ZNF705B: variants seen among roughly 807,000 people sequenced by gnomAD.
The protein encoded by ZNF705B is zinc finger protein 705B, also known as Putative zinc finger protein 705D-like protein LOC100132396.
A neutral mutation model predicts 10.5 loss-of-function variants in ZNF705B; 1 was observed. That is an observed-to-expected ratio of 0.10 (90% CI 0.03 to 0.45). The LOEUF (loss-of-function observed/expected upper bound fraction) is 0.45. Ranked by LOEUF, ZNF705B falls within the 20% of genes least tolerant of loss-of-function variation. The pLI, the probability that ZNF705B is intolerant of heterozygous loss-of-function variation, is 0.97. For missense variants in ZNF705B, 14 were observed against 84.0 expected, an observed-to-expected ratio of 0.17 and a Z score of 3.26; for synonymous variants, 4 against 25.4, an observed-to-expected ratio of 0.16 and a Z score of 2.53.
intron 1 of ZNF705B, among the ~76,000 whole-genome samples, chr8:7,928,961 G>A (rs1255987628): frequency 8.7e-6 from 1 of 114,726 alleles, no homozygotes; most frequent in East Asian, 2.5e-4. Flanking sequence ...CGCAGGGCTA[G>A]GAATACAAAA....
intron 2 of ZNF705B, among the ~76,000 whole-genome samples, chr8:7,935,572 A>G (rs1314945982): frequency 2.0e-4 from 25 of 124,642 alleles, no homozygotes; most frequent in African/African-American, 5.5e-4. Flanking sequence ...CAGTACAGCA[A>G]TTTTAATAAA....
chr8:7,931,588 G>T (rs556666475), intron 2 of ZNF705B, among the ~76,000 whole-genome samples: 2 of 122,360 alleles, frequency 1.6e-5, no homozygotes, highest in African/African-American at 2.5e-5. Context: ...ACCTTGGGTA[G>T]TGGTAGTGAC....
intron 2 of ZNF705B, among the ~76,000 whole-genome samples, chr8:7,931,858 G>T (rs1232586288): frequency 2.4e-5 from 3 of 125,880 alleles, no homozygotes; most frequent in East Asian, 2.3e-4. Flanking sequence ...GTAGGCTAGA[G>T]TGATGGGGAC....
intron 2 of ZNF705B, among the ~76,000 whole-genome samples, chr8:7,931,529 G>A (rs1396129410): frequency 8.2e-6 from 1 of 122,152 alleles, no homozygotes; most frequent in Non-Finnish European, 2.0e-5. Context: ...ATGCACAGGT[G>A]CCAATGACAG....
chr8:7,948,768 C>T (rs1222309737), intron 3 of ZNF705B, among the ~76,000 whole-genome samples: 1 of 42,790 alleles, frequency 2.3e-5, no homozygotes, highest in African/African-American at 4.2e-5. Flanking sequence ...TGCCTTGTGA[C>T]AAATCTGTAA....
intron 2 of ZNF705B, among the ~76,000 whole-genome samples, chr8:7,937,506 C>G (rs1820048518): frequency 8.9e-6 from 1 of 112,766 alleles, no homozygotes; most frequent in Non-Finnish European, 2.1e-5. Context: ...TGTGTTTATC[C>G]AAATTTGGAA....
chr8:7,929,214 G>C (rs1462029485), intron 1 of ZNF705B, among the ~76,000 whole-genome samples: 1 of 122,020 alleles, frequency 8.2e-6, no homozygotes, highest in African/African-American at 2.5e-5. Context: ...TGTGTGGAAA[G>C]AGGCAGTTGA....
At position 7,926,466 on chromosome 8, in the gene ZNF705B, G is replaced by A. The variant is rs534826456; in HGVS notation, c.-222+69G>A. On this transcript the variant is annotated intron_variant, in intron 1 of 6. Coordinates refer to ENST00000400120, the MANE Select transcript of ZNF705B (RefSeq NM_001193630.1). ...AGGCAATAAAGAGGCTTGCTTTCAG[G>A]GTGTAAGTGTAGGAGACAGGAATGT... 91 of 117,720 alleles carry A rather than the reference G, an allele frequency of 7.7e-4. 4 individuals carry two copies. The highest frequency in any genetic ancestry group is 2.2e-3 in the African/African-American group (86 of 38,452). 7.3% of individuals were successfully genotyped at this position (117,720 alleles called of 1,614,324 possible).
intron 1 of ZNF705B, among the ~76,000 whole-genome samples, chr8:7,927,899 A>G (rs1211775742): frequency 1.4e-5 from 2 of 140,332 alleles, no homozygotes; most frequent in African/African-American, 5.0e-5. Context: ...TTATTAATGT[A>G]GGGTGACCAC....
chr8:7,928,557 G>A lies in ZNF705B; in HGVS notation c.-221-1730G>A, dbSNP rs185920770. On this transcript the variant is annotated intron_variant, in intron 1 of 6. Coordinates refer to ENST00000400120, the MANE Select transcript of ZNF705B (RefSeq NM_001193630.1). ...AATATAAAGCAACACAGATGTGGAG[G>A]GGAAAGAGAGAAGGAGGAATTTCAG... is the stretch of plus-strand genomic sequence containing the variant. 6.0e-3 allele frequency among the ~76,000 whole-genome samples: 703 copies of A among 116,674 alleles called. 90 individuals carry two copies. The East Asian group carries it at 0.095, about 16-fold the overall frequency. 76.5% of individuals were successfully genotyped at this position (116,674 alleles called of 152,430 possible). A position where few individuals can be genotyped will look rare whatever the true frequency, so the allele number is the denominator to read the frequency against.
At chr8:7,929,417 G>A (rs536367805) in intron 1 of ZNF705B, among the ~76,000 whole-genome samples, 1 of 120,986 alleles carries the variant, frequency 8.3e-6, no homozygotes, top group African/African-American at 2.5e-5. Context: ...AAATGAATGA[G>A]GATAAATGAA....
At chr8:7,936,415 T>A (rs1820016364) in intron 2 of ZNF705B, among the ~76,000 whole-genome samples, 1 of 118,312 alleles carries the variant, frequency 8.5e-6, no homozygotes, top group Admixed American at 9.8e-5. Context: ...TAAAAAGACC[T>A]AAATCTGTAT....
intron 2 of ZNF705B, among the ~76,000 whole-genome samples, chr8:7,937,577 TA>T (rs1280897086): frequency 1.7e-5 from 2 of 120,960 alleles, no homozygotes; most frequent in African/African-American, 5.1e-5. Flanking sequence ...ACACATATTT[TA>T]AAATATTTTT....
rs563926606 is a variant in ZNF705B, at chr8:7,935,434, G to C, written c.-72+4998G>C. Among the ~76,000 whole-genome samples the C allele has an allele frequency of 3.6e-5, 5 of 140,822 alleles. No homozygotes were observed. In the South Asian group the frequency reaches 1.3e-3, roughly 36 times the overall value. The allele number at this position is 140,822 out of a possible 152,430, so 92.4% of individuals were successfully genotyped here. The stretch of plus-strand genomic sequence containing the variant: ...AGTTTGAAAAGTGTTTTAATTCTGA[G>C]CAGTCTTTGTATGTAACACAGAGCA... On this transcript the variant is annotated intron_variant, in intron 2 of 6. Transcript: ENST00000400120.
At chr8:7,929,626 A>G (rs1179165613) in intron 1 of ZNF705B, among the ~76,000 whole-genome samples, 1 of 123,432 alleles carries the variant, frequency 8.1e-6, no homozygotes, top group Admixed American at 9.1e-5. Context: ...GGTTACACCC[A>G]TGCCATAATT....
At chr8:7,941,169 T>C (rs1820147927) in intron 2 of ZNF705B, among the ~76,000 whole-genome samples, 1 of 146,518 alleles carries the variant, frequency 6.8e-6, no homozygotes, top group Non-Finnish European at 1.5e-5. Context: ...TGTATCTTTA[T>C]AATAGAATGA....
chr8:7,944,231 G>GTTCTGGTTTCATACTTTAAAAAAATCTA (rs1472222508), intron 2 of ZNF705B, among the ~76,000 whole-genome samples: 10 of 82,476 alleles, frequency 1.2e-4, no homozygotes, highest in African/African-American at 7.5e-5. Flanking sequence ...ATATATATTC[G>GTTCTGGTTTCATACTTTAAAAAAATCTA]TTCTGGTTTC....
intron 1 of ZNF705B, among the ~76,000 whole-genome samples, chr8:7,927,601 T>TC (rs202235870): frequency 2.0e-5 from 2 of 102,116 alleles, no homozygotes; most frequent in African/African-American, 5.2e-5. Flanking sequence ...TTTTTTTTTT[T>TC]CCTGAGACAA....
At chr8:7,926,925 G>T (rs1274122614) in intron 1 of ZNF705B, among the ~76,000 whole-genome samples, 2 of 111,148 alleles carry the variant, frequency 1.8e-5, no homozygotes, top group Non-Finnish European at 2.1e-5. Context: ...TTTGATTGTG[G>T]ATAGTTCAAA....
Sources: allele counts gnomAD v4.1 joint callset (sites outside exome capture counted in the v4.1 genomes callset), GRCh38; gene constraint gnomAD v4.1.1; transcripts MANE v1.5; gene names NCBI Gene and HGNC (gene_info 2026-07-23, HGNC 2026-07-21).